Variants in RNF212B observed in about 807,000 individuals in gnomAD.
The protein encoded by RNF212B is ring finger protein 212B.
RNF212B carries 52 observed loss-of-function variants against 55.5 expected under a neutral mutation model. That is an observed-to-expected ratio of 0.94 (90% CI 0.75 to 1.18). RNF212B has a LOEUF of 1.18. RNF212B is among the 50% of genes most tolerant of loss of function. The probability of loss-of-function intolerance (pLI) is 0.00; values close to 1 mark genes in which losing one functional copy is unlikely to be tolerated. For missense variants in RNF212B, 289 were observed against 350.4 expected, an observed-to-expected ratio of 0.82 and a Z score of 1.40; for synonymous variants, 99 against 121.4, an observed-to-expected ratio of 0.82 and a Z score of 1.21.
rs1421014468 is a variant in RNF212B, at chr14:23,272,837, A to G, written c.849A>G (p.Gln283=). The change falls in exon 15 of 15, where the codon CAA becomes CAG. Residue 283 remains glutamine, a synonymous_variant. Transcript: ENST00000430154. ...CTCTGCTGCAGACTCTCTACCAACA[A>G]CGGAGGCATATGGGATTACCCAGTG... ...QLPVLQTLYQ[Q]RRHMGLPSGR... 7 of 1,548,818 alleles carry G rather than the reference A, an allele frequency of 4.5e-6. No individual in the cohort carries two copies. The highest frequency in any genetic ancestry group is 6.1e-6 in the Non-Finnish European group (7 of 1,145,740).
At chr14:23,213,594 A>G (rs998954657) in intron 2 of RNF212B, among the ~76,000 whole-genome samples, 1 of 152,120 alleles carries the variant, frequency 6.6e-6, no homozygotes, top group Non-Finnish European at 1.5e-5. Flanking sequence ...CGGCAGCAAG[A>G]AGGTGGTGGG....
upstream of RNF212B, among the ~76,000 whole-genome samples, chr14:23,234,824 C>T (rs1882981697): frequency 6.6e-6 from 1 of 152,192 alleles, no homozygotes; most frequent in African/African-American, 2.4e-5. Context: ...GCCTGTAATC[C>T]CAGCTGCTGG....
chr14:23,257,227 G>A (rs1884913046), intron 4 of RNF212B, among the ~76,000 whole-genome samples: 1 of 152,078 alleles, frequency 6.6e-6, no homozygotes, highest in South Asian at 2.1e-4. Context: ...ATGTTGCTTA[G>A]GCTGGTCTCA....
intron 5 of RNF212B, 36 bp from the exon 6 acceptor site, chr14:23,259,848 A>G: frequency 2.3e-6 from 3 of 1,305,354 alleles, no homozygotes; most frequent in Non-Finnish European, 3.1e-6. Flanking sequence ...TTAATCCCTG[A>G]TTTGCTGGAG....
intron 5 of RNF212B, chr14:23,259,495 C>A: frequency 7.2e-6 from 1 of 137,954 alleles, no homozygotes. Flanking sequence ...TACATGTTAA[C>A]TTTCTTTGGG....
chr14:23,235,214 GA>G (rs34181212), upstream of RNF212B, among the ~76,000 whole-genome samples: 81,560 of 147,362 alleles, frequency 0.55, 22,857 homozygotes, highest in African/African-American at 0.68. Flanking sequence ...TCTGTCTCAG[GA>G]AAAAAAAAAA....
intron 4 of RNF212B, among the ~76,000 whole-genome samples, chr14:23,255,896 T>TA (rs1184087077): frequency 6.6e-6 from 1 of 152,218 alleles, no homozygotes; most frequent in Non-Finnish European, 1.5e-5. Flanking sequence ...ATGTGTTTGA[T>TA]ATAGGCTAAA....
At chr14:23,257,137 A>G (rs1482864757) in intron 4 of RNF212B, among the ~76,000 whole-genome samples, 1 of 151,630 alleles carries the variant, frequency 6.6e-6, no homozygotes, top group Non-Finnish European at 1.5e-5. Context: ...TGGGCGACAG[A>G]GCGAGACTCA....
At chr14:23,267,448 TG>T (rs1341175409) in intron 11 of RNF212B, among the ~76,000 whole-genome samples, 1 of 151,916 alleles carries the variant, frequency 6.6e-6, no homozygotes, top group Admixed American at 6.6e-5. Flanking sequence ...TTTTTTTTTT[TG>T]GGACAGAGTC....
At chr14:23,231,184 A>G (rs543532141) in intron 2 of RNF212B, among the ~76,000 whole-genome samples, 1 of 152,320 alleles carries the variant, frequency 6.6e-6, no homozygotes, top group African/African-American at 2.4e-5. Flanking sequence ...ATGACATTGA[A>G]TCCGTATATA....
intron 2 of RNF212B, among the ~76,000 whole-genome samples, chr14:23,242,081 CAAAAAAAAAAAAA>C (rs58497672): frequency 5.5e-5 from 2 of 36,646 alleles, no homozygotes; most frequent in African/African-American, 2.1e-4. Context: ...GACTCCGTCT[CAAAAAAAAAAAAA>C]AAAAAAAAAA....
At chr14:23,216,733 A>T (rs1881111207) in intron 2 of RNF212B, among the ~76,000 whole-genome samples, 1 of 151,858 alleles carries the variant, frequency 6.6e-6, no homozygotes, top group Non-Finnish European at 1.5e-5. Context: ...TCCAAAACTT[A>T]GCTGGATGTG....
intron 4 of RNF212B, among the ~76,000 whole-genome samples, chr14:23,250,392 A>C (rs1457872743): frequency 6.6e-6 from 1 of 151,516 alleles, no homozygotes; most frequent in African/African-American, 2.4e-5. Context: ...CTGAGGCATG[A>C]GAATTGCTTG....
rs1393382632 is a variant in RNF212B at position 23,268,959 on chromosome 14, T to C, written c.670T>C (p.Tyr224His). 6.5e-7 allele frequency: 1 copy of C among 1,549,636 alleles called. No homozygotes were observed. The highest frequency in any genetic ancestry group is 2.0e-5 in the Admixed American group (1 of 50,998). ...ACCGGCTTCAACTCATAGCCTATCT[T>C]ATAGGTCAGTAACACTATGCTTCCT... is the stretch of plus-strand genomic sequence containing the variant. ...PSPASTHSLS[Y>H]RTSSASSGQG... The change falls in exon 12 of 15, where the codon TAT (tyrosine) becomes CAT (histidine). Residue 224 changes from tyrosine to histidine, a missense_variant. Physicochemically the swap from Tyr to His is moderately conservative, Grantham distance 83. Transcript: ENST00000430154.
At chr14:23,228,226 C>T (rs1479884865) in intron 2 of RNF212B, among the ~76,000 whole-genome samples, 1 of 149,680 alleles carries the variant, frequency 6.7e-6, no homozygotes, top group Non-Finnish European at 1.5e-5. Flanking sequence ...GAGCGAAACT[C>T]TGTCTAAAAA....
At chr14:23,240,703 G>T (rs1883506630) in intron 2 of RNF212B, among the ~76,000 whole-genome samples, 1 of 152,126 alleles carries the variant, frequency 6.6e-6, no homozygotes, top group African/African-American at 2.4e-5. Context: ...AAGTCTGGCA[G>T]GGAAAGCCAC....
intron 2 of RNF212B, among the ~76,000 whole-genome samples, chr14:23,241,194 G>A (rs902209593): frequency 6.6e-6 from 1 of 152,104 alleles, no homozygotes; most frequent in Non-Finnish European, 1.5e-5. Flanking sequence ...GGATAAGGCA[G>A]GGAAGATTTA....
chr14:23,265,534 T>C (rs531831313), intron 11 of RNF212B, among the ~76,000 whole-genome samples: 10 of 152,354 alleles, frequency 6.6e-5, no homozygotes, highest in Admixed American at 1.3e-4. Context: ...CAAATCTCTT[T>C]TTTTAATTCT....
At chr14:23,232,792 G>GGT (rs1378067032) in intron 2 of RNF212B, among the ~76,000 whole-genome samples, 3 of 148,148 alleles carry the variant, frequency 2.0e-5, no homozygotes, top group African/African-American at 4.9e-5. Flanking sequence ...GGTGGGGGGG[G>GGT]GGTCAGCCTC....
Sources: allele counts gnomAD v4.1 joint callset (sites outside exome capture counted in the v4.1 genomes callset), GRCh38; gene constraint gnomAD v4.1.1; transcripts MANE v1.5; gene names NCBI Gene and HGNC (gene_info 2026-07-23, HGNC 2026-07-21).